KPNB1: variants seen among roughly 807,000 people sequenced by gnomAD.
KPNB1 encodes importin subunit beta-1.
Under a neutral mutation model 113.0 loss-of-function variants are expected in KPNB1, and 7 were observed. The observed-to-expected ratio is 0.06, with a 90% CI of 0.04 to 0.12. The LOEUF (loss-of-function observed/expected upper bound fraction) is 0.12, where lower values mean the gene tolerates loss of function less well. Ranked by LOEUF, KPNB1 falls within the 10% of genes least tolerant of loss-of-function variation. KPNB1 has a pLI of 1.00. For synonymous variants in KPNB1, 363 were observed against 378.6 expected (o/e 0.96, Z 0.48); for missense variants, 400 against 1,054.8 (o/e 0.38, Z 8.60).
At chr17:47,665,748 C>A (rs985347619) in intron 9 of KPNB1, among the ~76,000 whole-genome samples, 1 of 152,100 alleles carries the variant, frequency 6.6e-6, no homozygotes, top group Non-Finnish European at 1.5e-5. Context: ...TTTATGAGGA[C>A]CGTGTCCTGG....
intron 3 of KPNB1, among the ~76,000 whole-genome samples, chr17:47,654,403 C>T (rs1017903556): frequency 3.7e-5 from 5 of 136,892 alleles, no homozygotes; most frequent in African/African-American, 1.4e-4. Context: ...GACAGAGTGA[C>T]ACTCCATTTC....
intron 7 of KPNB1, among the ~76,000 whole-genome samples, chr17:47,663,788 C>T (rs894346307): frequency 4.3e-4 from 65 of 152,144 alleles, no homozygotes; most frequent in Non-Finnish European, 7.5e-4. Flanking sequence ...AGTTTGAGAC[C>T]AGCCTAGGCA....
chr17:47,661,789 A>T (rs2030104856), intron 6 of KPNB1, among the ~76,000 whole-genome samples: 1 of 152,198 alleles, frequency 6.6e-6, no homozygotes, highest in South Asian at 2.1e-4. Flanking sequence ...CTCTACTAAA[A>T]AATATGTATA....
At chr17:47,664,953 ATGTTTCTGTTTCTGTTAAGAGATCCC>A in intron 8 of KPNB1, 78 bp from the exon 9 acceptor site, 3 of 821,794 alleles carry the variant, frequency 3.7e-6, no homozygotes, top group Non-Finnish European at 6.2e-6. Context: ...TTGTCCTTGT[ATGTTTCTGTTTCTGTTAAGAGATCCC>A]TGTTCGGCTC....
intron 3 of KPNB1, 84 bp downstream of exon 3, chr17:47,652,960 G>A: frequency 9.8e-7 from 1 of 1,017,828 alleles, no homozygotes; most frequent in Non-Finnish European, 1.4e-6. Flanking sequence ...GCATGGGATA[G>A]AGCTAACAGT....
chr17:47,656,041 G>A (rs532410068), intron 3 of KPNB1, among the ~76,000 whole-genome samples: 1 of 152,200 alleles, frequency 6.6e-6, no homozygotes, highest in Admixed American at 6.5e-5. Context: ...ATCACCTGAG[G>A]TCAGGAGTTT....
chr17:47,655,799 ACCT>A (rs1473831190), intron 3 of KPNB1, among the ~76,000 whole-genome samples: 1 of 152,042 alleles, frequency 6.6e-6, no homozygotes, highest in African/African-American at 2.4e-5. Context: ...ATTTACTGCT[ACCT>A]CCTCTTGTAA....
At chr17:47,658,439 C>T (rs2029974489) in intron 4 of KPNB1, 69 bp from the exon 5 acceptor site, 4 of 1,507,872 alleles carry the variant, frequency 2.7e-6, no homozygotes, top group African/African-American at 1.4e-5. Flanking sequence ...TTGTTTGAAT[C>T]CACAGATGTG....
chr17:47,655,546 G>A (rs149872498), intron 3 of KPNB1, among the ~76,000 whole-genome samples: 6 of 152,234 alleles, frequency 3.9e-5, no homozygotes, highest in East Asian at 1.9e-4. Context: ...AAGTCACCCC[G>A]AATGCTGAGT....
intron 3 of KPNB1, among the ~76,000 whole-genome samples, chr17:47,656,323 CT>C (rs1423698392): frequency 1.3e-5 from 2 of 151,802 alleles, no homozygotes. Flanking sequence ...AATCCTAGCA[CT>C]TTGGGAGGCC....
At chr17:47,680,235 C>A (rs925251556) in intron 20 of KPNB1, 101 bp downstream of exon 20, 2 of 860,070 alleles carry the variant, frequency 2.3e-6, no homozygotes, top group Admixed American at 2.0e-5. Flanking sequence ...GGCAACAGTT[C>A]ACTTTTTTGG....
chr17:47,656,733 G>T (rs2029920662), intron 3 of KPNB1, 127 bp from the exon 4 acceptor site: 2 of 898,302 alleles, frequency 2.2e-6, no homozygotes, highest in South Asian at 1.6e-5. Context: ...GGGCAACATA[G>T]TGAGACCCTG....
chr17:47,664,096 G>A, intron 7 of KPNB1, 63 bp from the exon 8 acceptor site: 1 of 978,096 alleles, frequency 1.0e-6, no homozygotes, highest in Non-Finnish European at 1.6e-6. Flanking sequence ...TTAAAGCCGG[G>A]TTGGGGCAGG....
At chr17:47,652,595 C>A (rs1443430847) in intron 2 of KPNB1, 99 bp from the exon 3 acceptor site, 4 of 881,016 alleles carry the variant, frequency 4.5e-6, no homozygotes, top group Non-Finnish European at 6.6e-6. Context: ...TTAGTTCCCC[C>A]CCTCGCCGCC....
At position 47,669,714 on chromosome 17, in the gene KPNB1, A is replaced by G; in HGVS notation, c.1261A>G (p.Ser421Gly). ...PTLIELMKDP[S>G]VVVRDTAAWT... is the part of the protein sequence containing the mutation. Reference sequence around the variant, plus strand: ...CCTAATAGAATTAATGAAAGACCCCAGTGTAGTTGTTCGAGATACAGCTGC... The same window carrying G: ...CCTAATAGAATTAATGAAAGACCCCGGTGTAGTTGTTCGAGATACAGCTGC... Residue 421 changes from serine to glycine, a missense_variant, in exon 11 of 22, where the codon AGT (serine) becomes GGT (glycine). Transcript: ENST00000290158. The G allele has an allele frequency of 6.2e-7, 1 of 1,612,534 alleles. No individual in the cohort carries two copies.
At chr17:47,662,571 T>C (rs1266921925) in intron 6 of KPNB1, among the ~76,000 whole-genome samples, 2 of 148,572 alleles carry the variant, frequency 1.3e-5, no homozygotes, top group African/African-American at 5.0e-5. Flanking sequence ...GCAAGAAGAC[T>C]GTCTCAAAAA....
intron 9 of KPNB1, among the ~76,000 whole-genome samples, chr17:47,666,510 ATTATATT>A (rs1255224699): frequency 7.2e-6 from 1 of 138,086 alleles, no homozygotes; most frequent in Non-Finnish European, 1.5e-5. Flanking sequence ...AATGTTATAT[ATTATATT>A]TTATATGTAT....
intron 19 of KPNB1, among the ~76,000 whole-genome samples, chr17:47,679,480 G>T (rs2030708268): frequency 6.6e-6 from 1 of 152,018 alleles, no homozygotes; most frequent in Non-Finnish European, 1.5e-5. Context: ...AGTTAAATTT[G>T]TTTCTTCTAT....
At chr17:47,657,818 A>G (rs993625964) in intron 4 of KPNB1, among the ~76,000 whole-genome samples, 6 of 152,232 alleles carry the variant, frequency 3.9e-5, no homozygotes, top group African/African-American at 9.6e-5. Context: ...TGCCAGTACC[A>G]TGAGACATTT....
Sources: gnomAD v4.1 joint callset for allele counts (sites outside exome capture counted in the v4.1 genomes callset) on GRCh38, gnomAD v4.1.1 for gene constraint, MANE v1.5 for transcripts, NCBI Gene and HGNC (gene_info 2026-07-23, HGNC 2026-07-21) for gene names.